The following TFEC variants were observed in gnomAD, a reference collection of about 807,000 sequenced individuals.
TFEC encodes the protein class E basic helix-loop-helix protein 34.
A neutral mutation model predicts 41.6 loss-of-function variants in TFEC; 31 were observed. The ratio of observed to expected loss-of-function variants is 0.74; its 90% CI spans 0.56 to 1.01. The LOEUF is 1.01. Ranked by LOEUF, TFEC falls within the 50% of genes least tolerant of loss-of-function variation. TFEC has a pLI of 0.00. For missense variants in TFEC, 402 were observed against 404.1 expected (o/e 0.99, Z 0.04); for synonymous variants, 143 against 140.6 (o/e 1.02, Z -0.12).
intron 3 of TFEC, among the ~76,000 whole-genome samples, chr7:115,963,588 A>G (rs1249308100): frequency 2.0e-5 from 3 of 151,804 alleles, no homozygotes; most frequent in African/African-American, 7.2e-5. Flanking sequence ...GCTTAAAAGG[A>G]ATGAAATTCT....
intron 1 of TFEC, among the ~76,000 whole-genome samples, chr7:116,125,057 A>G (rs924464510): frequency 1.3e-5 from 2 of 152,210 alleles, no homozygotes; most frequent in African/African-American, 4.8e-5. Context: ...CACAATTAGA[A>G]AGATGTTATA....
chr7:116,124,968 T>C (rs951253680), intron 1 of TFEC, among the ~76,000 whole-genome samples: 5 of 152,190 alleles, frequency 3.3e-5, no homozygotes, highest in African/African-American at 9.6e-5. Flanking sequence ...ATAATAATTC[T>C]GTAATTAATT....
chr7:115,949,237 G>A (rs1279447695), intron 6 of TFEC, among the ~76,000 whole-genome samples: 2 of 151,732 alleles, frequency 1.3e-5, no homozygotes, highest in East Asian at 3.9e-4. Context: ...ATGCTCATGG[G>A]TAGGAAGAAT....
intron 1 of TFEC, among the ~76,000 whole-genome samples, chr7:115,990,746 T>C (rs1794071874): frequency 6.6e-6 from 1 of 152,158 alleles, no homozygotes; most frequent in Admixed American, 6.5e-5. Flanking sequence ...AGACCAAATC[T>C]ACATCTGATT....
At chr7:116,135,461 C>A (rs185389147) in intron 1 of TFEC, among the ~76,000 whole-genome samples, 1 of 152,246 alleles carries the variant, frequency 6.6e-6, no homozygotes, top group Admixed American at 6.5e-5. Flanking sequence ...ATGTCACACT[C>A]TGATGACCTC....
Position 115,940,799 on chromosome 7 carries a change from T to G in TFEC, c.796A>C (p.Thr266Pro). Residue 266 changes from threonine (T) to proline (P), a missense_variant, in exon 8 of 8, where the codon ACT becomes CCT. By Grantham distance (38) the Thr-to-Pro change is conservative. Coordinates refer to ENST00000265440, the MANE Select transcript of TFEC (RefSeq NM_012252.4). ...QNSVDYCQQL[T>P]VSQGPSPELC... ...TCAGGGCTTGGCCCCTGAGACACAG[T>G]CAGTTGTTGGCAATAGTCTACTGAA... 1 of 1,613,506 alleles carries G rather than the reference T, an allele frequency of 6.2e-7. No homozygotes were observed. The highest frequency in any genetic ancestry group is 1.1e-5 in the South Asian group (1 of 91,076).
rs56872188 is a variant in TFEC, at chr7:116,130,045, AACACACACAC to A, written c.-68-18017_-68-18008del. ...ATATTCCTGCCACCAAACATGCAAGAACACACACACACACACACACACACACACACACACA... is the reference window on the plus strand; with the variant it reads ...ATATTCCTGCCACCAAACATGCAAGAACACACACACACACACACACACACA... On this transcript the variant is annotated intron_variant, in intron 1 of 8. Coordinates refer to the TFEC transcript ENST00000484212. Among the ~76,000 whole-genome samples the A allele has an allele frequency of 1.6e-3, 231 of 142,244 alleles. 1 individual carries two copies. Among genetic ancestry groups the A allele is most frequent in the African/African-American group, 5.1e-3 (195 of 37,984 alleles). The allele number at this position is 142,244 out of a possible 152,430, so 93.3% of individuals were successfully genotyped here.
chr7:116,068,356 A>G (rs576333464), intron 3 of TFEC, among the ~76,000 whole-genome samples: 1 of 151,904 alleles, frequency 6.6e-6, no homozygotes, highest in Non-Finnish European at 1.5e-5. Flanking sequence ...GCAACCTAAA[A>G]GCAAGCATTT....
At chr7:116,009,788 G>A (rs1346638382) in intron 1 of TFEC, among the ~76,000 whole-genome samples, 2 of 152,142 alleles carry the variant, frequency 1.3e-5, no homozygotes, top group Non-Finnish European at 2.9e-5. Flanking sequence ...AGAGTGGTAG[G>A]CACAGTCAAA....
intron 1 of TFEC, among the ~76,000 whole-genome samples, chr7:116,010,236 G>C (rs534404233): frequency 6.6e-6 from 1 of 152,228 alleles, no homozygotes; most frequent in African/African-American, 2.4e-5. Flanking sequence ...CTTTAATAAA[G>C]GGAGGGGCAA....
chr7:116,141,023 C>A (rs1293774145), intron 1 of TFEC, among the ~76,000 whole-genome samples: 1 of 152,056 alleles, frequency 6.6e-6, no homozygotes, highest in Non-Finnish European at 1.5e-5. Context: ...GGAAAAAATT[C>A]TCTTATAATG....
chr7:116,025,091 A>G (rs781065122), intron 1 of TFEC, among the ~76,000 whole-genome samples: 2 of 152,208 alleles, frequency 1.3e-5, no homozygotes, highest in Non-Finnish European at 2.9e-5. Flanking sequence ...ATGCAAATGA[A>G]TTGGCAATAC....
intron 3 of TFEC, among the ~76,000 whole-genome samples, chr7:115,972,780 A>G (rs1793192798): frequency 6.6e-6 from 1 of 152,078 alleles, no homozygotes; most frequent in Non-Finnish European, 1.5e-5. Context: ...CCAATTTTTT[A>G]CTGAGTAAAC....
At chr7:116,025,283 C>A (rs1313045910) in intron 1 of TFEC, among the ~76,000 whole-genome samples, 1 of 152,040 alleles carries the variant, frequency 6.6e-6, no homozygotes, top group Non-Finnish European at 1.5e-5. Flanking sequence ...AAAACAAGAC[C>A]AGATGTATGA....
At chr7:116,124,177 C>G (rs1798164578) in intron 1 of TFEC, among the ~76,000 whole-genome samples, 1 of 151,876 alleles carries the variant, frequency 6.6e-6, no homozygotes, top group African/African-American at 2.4e-5. Flanking sequence ...AAACATATTC[C>G]AAAACATATA....
chr7:116,093,915 G>C (rs549540505), intron 3 of TFEC, among the ~76,000 whole-genome samples: 2 of 152,064 alleles, frequency 1.3e-5, no homozygotes, highest in East Asian at 1.9e-4. Context: ...TTTTTAAGGC[G>C]GTTTGCAAAA....
intron 3 of TFEC, among the ~76,000 whole-genome samples, chr7:116,072,059 A>G (rs573230668): frequency 1.2e-4 from 18 of 151,740 alleles, no homozygotes; most frequent in Admixed American, 9.9e-4. Context: ...AATTACAGCT[A>G]TAGCTGAATA....
intron 1 of TFEC, among the ~76,000 whole-genome samples, chr7:116,158,221 T>C (rs1798907372): frequency 6.6e-6 from 1 of 152,126 alleles, no homozygotes; most frequent in African/African-American, 2.4e-5. Flanking sequence ...ATTTTTTCAG[T>C]ATAATGCTAT....
intron 1 of TFEC, among the ~76,000 whole-genome samples, chr7:116,127,418 G>A (rs1010320605): frequency 2.0e-5 from 3 of 152,124 alleles, no homozygotes; most frequent in African/African-American, 7.2e-5. Flanking sequence ...AATAATTCGT[G>A]TCGTTTAGTT....
Sources: allele counts gnomAD v4.1 joint callset (sites outside exome capture counted in the v4.1 genomes callset), GRCh38; gene constraint gnomAD v4.1.1; transcripts MANE v1.5; gene names NCBI Gene and HGNC (gene_info 2026-07-23, HGNC 2026-07-21).